Variants in FBN1 observed in about 807,000 individuals in gnomAD.
The protein encoded by FBN1 is fibrillin-1.
FBN1 carries 29 observed loss-of-function variants against 365.1 expected under a neutral mutation model. That is an observed-to-expected ratio of 0.08 (90% CI 0.06 to 0.11). FBN1 has a LOEUF of 0.11. FBN1 is among the 10% of genes least tolerant of loss of function. The pLI is 1.00. For synonymous variants in FBN1, 1,210 were observed against 1,270.5 expected (o/e 0.95, Z 1.01); for missense variants, 2,476 against 3,703.2 (o/e 0.67, Z 8.60).
rs1360485827 is a variant in FBN1 at position 48,435,788 on chromosome 15, G to A, written c.6497-1075C>T. ...TATGTGTATATGTGTGTGTGTGTGT[G>A]TGTGTGTGTGTGTGTGTGTGTGTAT... On this transcript the variant is annotated intron_variant, in intron 53 of 65. Coordinates refer to ENST00000316623, the MANE Select transcript of FBN1 (RefSeq NM_000138.5). 8.1e-3 allele frequency among the ~76,000 whole-genome samples: 813 copies of A among 100,400 alleles called. 7 individuals are homozygous for A. The highest frequency in any genetic ancestry group is 0.056 in the African/African-American group (787 of 14,170). The allele number at this position is 100,400 out of a possible 152,430, so 65.9% of individuals were successfully genotyped here.
intron 10 of FBN1, among the ~76,000 whole-genome samples, chr15:48,516,751 G>A (rs145403270): frequency 1.9e-4 from 29 of 152,304 alleles, no homozygotes; most frequent in African/African-American, 6.5e-4. Flanking sequence ...ACCACTGGAT[G>A]TCTTCAACGG....
At chr15:48,593,635 A>G (rs555367501) in intron 6 of FBN1, among the ~76,000 whole-genome samples, 4 of 152,264 alleles carry the variant, frequency 2.6e-5, no homozygotes, top group African/African-American at 9.6e-5. Flanking sequence ...ATATCTCCAG[A>G]TTTTTTGATG....
chr15:48,617,219 G>T (rs1160053474), intron 2 of FBN1, among the ~76,000 whole-genome samples: 1 of 151,910 alleles, frequency 6.6e-6, no homozygotes, highest in Non-Finnish European at 1.5e-5. Context: ...CTGTCGCCCA[G>T]GCTGGAGTGC....
intron 25 of FBN1, among the ~76,000 whole-genome samples, chr15:48,489,595 G>A (rs370547584): frequency 2.6e-5 from 4 of 152,182 alleles, no homozygotes; most frequent in South Asian, 4.1e-4. Flanking sequence ...TTGAGTTTAC[G>A]TAACTGACAT....
chr15:48,438,303 C>G (rs1165260664), intron 50 of FBN1, among the ~76,000 whole-genome samples: 1 of 152,180 alleles, frequency 6.6e-6, no homozygotes, highest in Non-Finnish European at 1.5e-5. Flanking sequence ...CTTGCAATAT[C>G]ATGTTTAATG....
chr15:48,470,518 T>G, intron 36 of FBN1, 116 bp downstream of exon 36: 1 of 1,380,348 alleles, frequency 7.2e-7, no homozygotes, highest in South Asian at 1.2e-5. Context: ...TTCTTAATAC[T>G]TCCCCCTTGC....
At chr15:48,504,649 C>T (rs1487095334) in intron 16 of FBN1, among the ~76,000 whole-genome samples, 1 of 152,166 alleles carries the variant, frequency 6.6e-6, no homozygotes. Context: ...TCCATATTCT[C>T]CTTTGCATTC....
chr15:48,597,617 T>C (rs1224951944), intron 5 of FBN1, among the ~76,000 whole-genome samples: 2 of 152,250 alleles, frequency 1.3e-5, no homozygotes, highest in African/African-American at 2.4e-5. Context: ...CAATAAATTC[T>C]CTTTTATGTC....
In FBN1 at chr15:48,432,884, C is replaced by G. The variant is rs775411623; in HGVS notation, c.6721G>C (p.Asp2241His). ...GACTCACCTTTGCACATCCTACGGTCTTCTCTGAGCACATATCCCACGGGA... is the reference window on the plus strand; with the variant it reads ...GACTCACCTTTGCACATCCTACGGTGTTCTCTGAGCACATATCCCACGGGA... ...KCPVGYVLRE[D>H]RRMCKDEDEC... The change falls in exon 55 of 66, where the codon GAC becomes CAC. Residue 2241 changes from aspartate (D) to histidine (H), a missense_variant. Physicochemically the swap from Asp to His is moderately conservative, Grantham distance 81. Around this residue, in one of 5 missense-constraint regions of FBN1, gnomAD observed 1,780 missense variants for 2,840.8 expected, o/e 0.63. Transcript: ENST00000316623. The G allele has an allele frequency of 6.2e-7, 1 of 1,613,692 alleles. No homozygotes were observed. The highest frequency in any genetic ancestry group is 1.7e-5 in the Admixed American group (1 of 59,996).
chr15:48,470,687 C>T lies in FBN1; in HGVS notation c.4406G>A (p.Arg1469His), dbSNP rs397515808. 15 of 1,613,832 alleles carry T rather than the reference C, an allele frequency of 9.3e-6. No homozygotes were observed. The highest frequency in any genetic ancestry group is 3.3e-5 in the South Asian group (3 of 91,066). ...TTCGTAGCCTATCTCACACTCACAG[C>T]GGAACAGGCCAGGGAGGTTGTGGCA... Reference protein sequence around the residue: ...GTCHNLPGLFRCECEIGYELD... With the variant: ...GTCHNLPGLFHCECEIGYELD... The change falls in exon 36 of 66, where the codon CGC becomes CAC. Residue 1469 changes from arginine to histidine, a missense_variant. Around this residue, in one of 5 missense-constraint regions of FBN1, gnomAD observed 1,780 missense variants for 2,840.8 expected, o/e 0.63. Transcript: ENST00000316623.
intron 6 of FBN1, among the ~76,000 whole-genome samples, chr15:48,556,402 G>A (rs1037920569): frequency 6.6e-6 from 1 of 152,202 alleles, no homozygotes; most frequent in African/African-American, 2.4e-5. Context: ...TTCATAAGAA[G>A]AGGCTAAGGT....
At chr15:48,433,855 C>T (rs2043042418) in intron 54 of FBN1, among the ~76,000 whole-genome samples, 1 of 152,194 alleles carries the variant, frequency 6.6e-6, no homozygotes, top group Non-Finnish European at 1.5e-5. Context: ...TCTGCCTTCA[C>T]CTCTCCTTCA....
At chr15:48,533,608 A>G (rs2043990064) in intron 8 of FBN1, among the ~76,000 whole-genome samples, 1 of 152,224 alleles carries the variant, frequency 6.6e-6, no homozygotes, top group African/African-American at 2.4e-5. Context: ...CCCCCAGAAA[A>G]GAAAATCATG....
At chr15:48,640,745 A>G (rs1028803211) in intron 2 of FBN1, among the ~76,000 whole-genome samples, 1 of 152,180 alleles carries the variant, frequency 6.6e-6, no homozygotes, top group Admixed American at 6.5e-5. Context: ...GTCTCAATCC[A>G]TCTTCTCCAA....
In FBN1 at chr15:48,537,749, T is replaced by C. The variant is rs1057036462; in HGVS notation, c.598A>G (p.Ser200Gly). Residue 200 changes from serine to glycine, a missense_variant, in exon 7 of 66, where the codon AGC becomes GGC. Around this residue, in one of 5 missense-constraint regions of FBN1, gnomAD observed 421 missense variants for 520.1 expected, o/e 0.81. Coordinates refer to ENST00000316623, the MANE Select transcript of FBN1 (RefSeq NM_000138.5). ...ISNQMCQGQL[S>G]GIVCTKTLCC... ...AGCGTTTTTGTGCAGACAATCCCGC[T>C]GAGTTGTCCCTGGCACATCTGGTTG... 8 of 1,614,086 alleles carry C rather than the reference T, an allele frequency of 5.0e-6. No individual in the cohort carries two copies. In the African/African-American group the frequency reaches 8.0e-5, roughly 16 times the overall value.
intron 17 of FBN1, 49 bp downstream of exon 17, chr15:48,503,738 T>C (rs1210722312): frequency 2.5e-6 from 4 of 1,611,054 alleles, no homozygotes; most frequent in East Asian, 2.2e-5. Context: ...AAGACCTCAA[T>C]GGTGGCAGAA....
chr15:48,463,845 T>A, intron 41 of FBN1, 54 bp downstream of exon 41: 1 of 1,557,072 alleles, frequency 6.4e-7, no homozygotes, highest in Admixed American at 1.9e-5. Context: ...TGAGCTCTCT[T>A]CCTCTTTGTA....
At chr15:48,593,249 G>A (rs1001486677) in intron 6 of FBN1, among the ~76,000 whole-genome samples, 3 of 152,094 alleles carry the variant, frequency 2.0e-5, no homozygotes, top group African/African-American at 7.2e-5. Context: ...ACTCATAGTG[G>A]GTCTCTGAGG....
intron 13 of FBN1, 125 bp from the exon 14 acceptor site, chr15:48,510,294 C>A: frequency 1.1e-6 from 1 of 874,388 alleles, no homozygotes; most frequent in Non-Finnish European, 1.8e-6. Context: ...TAATAATATT[C>A]TCCAACATAA....
Sources: gnomAD v4.1 joint callset for allele counts (sites outside exome capture counted in the v4.1 genomes callset) on GRCh38, gnomAD v4.1.1 for gene constraint, gnomAD v4.1.1 regional missense constraint, MANE v1.5 for transcripts, NCBI Gene and HGNC (gene_info 2026-07-23, HGNC 2026-07-21) for gene names.